Variants in MYO5A observed in about 807,000 individuals in gnomAD.
MYO5A encodes myosin VA.
In MYO5A, 98 loss-of-function variants were observed where a neutral mutation model predicts 249.7. That is an observed-to-expected ratio of 0.39 (90% CI 0.33 to 0.46). MYO5A has a LOEUF of 0.46. Ranked by LOEUF, MYO5A falls within the 20% of genes least tolerant of loss-of-function variation. The pLI is 0.98. For missense variants in MYO5A, 1,696 were observed against 2,308.8 expected (o/e 0.73, Z 5.44); for synonymous variants, 778 against 810.6 (o/e 0.96, Z 0.68).
chr15:52,496,524 A>G (rs1248854640), intron 1 of MYO5A, among the ~76,000 whole-genome samples: 1 of 152,220 alleles, frequency 6.6e-6, no homozygotes, highest in East Asian at 1.9e-4. Context: ...GGTTCTTAAA[A>G]TCTAGGAAGA....
chr15:52,405,426 A>C (rs2042962313), intron 8 of MYO5A, 33 bp from the exon 9 acceptor site: 1 of 1,466,176 alleles, frequency 6.8e-7, no homozygotes, highest in Non-Finnish European at 9.5e-7. Flanking sequence ...CAAGTGATTA[A>C]TTTCAGAATA....
At chr15:52,317,307 G>A (rs1388593290) in intron 39 of MYO5A, 85 bp from the exon 40 acceptor site, 3 of 1,330,810 alleles carry the variant, frequency 2.3e-6, no homozygotes, top group Non-Finnish European at 3.2e-6. Flanking sequence ...GGCCTTGTCA[G>A]GATTTATGTT....
intron 31 of MYO5A, among the ~76,000 whole-genome samples, chr15:52,341,468 C>T (rs986855971): frequency 2.0e-5 from 3 of 152,208 alleles, no homozygotes; most frequent in African/African-American, 7.2e-5. Context: ...GCAGTGAGAA[C>T]ACCAGAGTCA....
chr15:52,493,043 A>G (rs1281814210), intron 1 of MYO5A, among the ~76,000 whole-genome samples: 1 of 147,412 alleles, frequency 6.8e-6, no homozygotes, highest in Admixed American at 6.8e-5. Context: ...GGCCTGAGGG[A>G]AGAAAGGCCT....
rs370904896 is a variant in MYO5A, at chr15:52,314,085, T to A, written c.5490+38A>T. On this transcript the variant is annotated intron_variant, in intron 41 of 41. Coordinates refer to ENST00000399233, the MANE Select transcript of MYO5A (RefSeq NM_001382347.1). ...ATTACAAAATGTCCATTCAAAAGAC[T>A]GTGTTGGTGAATCAAAGAAGAAGAT... 4 of 1,496,446 alleles carry A rather than the reference T, an allele frequency of 2.7e-6. No individual in the cohort carries two copies. The African/African-American group carries it at 5.5e-5, about 21-fold the overall frequency. The allele number at this position is 1,496,446 out of a possible 1,614,324, so 92.7% of individuals were successfully genotyped here.
At chr15:52,448,971 T>C (rs1428307456) in intron 1 of MYO5A, among the ~76,000 whole-genome samples, 2 of 130,274 alleles carry the variant, frequency 1.5e-5, no homozygotes, top group African/African-American at 5.9e-5. Context: ...TTTTTTTTTT[T>C]TTTTTTTTTT....
At chr15:52,480,652 A>C (rs1488597412) in intron 1 of MYO5A, among the ~76,000 whole-genome samples, 1 of 152,162 alleles carries the variant, frequency 6.6e-6, no homozygotes, top group African/African-American at 2.4e-5. Flanking sequence ...CTAAAATTCC[A>C]TTTCATTGTA....
intron 1 of MYO5A, among the ~76,000 whole-genome samples, chr15:52,515,600 G>A (rs2077480869): frequency 6.6e-6 from 1 of 152,210 alleles, no homozygotes; most frequent in Admixed American, 6.5e-5. Flanking sequence ...TCATACAGAT[G>A]TAGAAACTAA....
rs2039648523 is a variant in MYO5A at position 52,346,693 on chromosome 15, G to C, written c.3859-232C>G. 3 of 611,370 alleles carry C rather than the reference G, an allele frequency of 4.9e-6. No homozygotes were observed. In the East Asian group the frequency reaches 1.0e-4, roughly 21 times the overall value. 37.9% of individuals were successfully genotyped at this position (611,370 alleles called of 1,614,324 possible). A position where few individuals can be genotyped will look rare whatever the true frequency, so the allele number is the denominator to read the frequency against. ...AGAAACACTAGCACTCTGCTACAAAGGTGGGAAGATTCTACAATGTCACGG... is the reference window on the plus strand; with the variant it reads ...AGAAACACTAGCACTCTGCTACAAACGTGGGAAGATTCTACAATGTCACGG... On this transcript the variant is annotated intron_variant, in intron 29 of 41. Coordinates refer to ENST00000399233, the MANE Select transcript of MYO5A (RefSeq NM_001382347.1).
intron 31 of MYO5A, among the ~76,000 whole-genome samples, chr15:52,340,989 T>TA (rs112962197): frequency 0.085 from 12,417 of 145,590 alleles, 1,595 homozygotes; most frequent in African/African-American, 0.29. Context: ...AATGAGGATG[T>TA]AAAAAAAAAA....
chr15:52,375,510 G>A, intron 19 of MYO5A, 50 bp from the exon 20 acceptor site: 1 of 1,594,096 alleles, frequency 6.3e-7, no homozygotes, highest in Non-Finnish European at 8.6e-7. Context: ...AAAAAATGCA[G>A]GAATACATAT....
In MYO5A at chr15:52,308,204, C is replaced by T. The variant is rs1024232991; in HGVS notation, c.*5492G>A. The T allele has an allele frequency of 1.3e-5, 2 of 152,028 alleles. No individual in the cohort carries two copies. Among genetic ancestry groups the T allele is most frequent in the East Asian group, 1.9e-4 (1 of 5,196 alleles). 9.4% of individuals were successfully genotyped at this position (152,028 alleles called of 1,614,324 possible). On this transcript the variant is annotated 3_prime_UTR_variant, in exon 42 of 42. Coordinates refer to ENST00000399233, the MANE Select transcript of MYO5A (RefSeq NM_001382347.1). Reference sequence around the variant, plus strand: ...AATAACGCCCATTAAGTTAAGCTAACGAACATTTTAGATAGACCAAATTAC... The same window carrying T: ...AATAACGCCCATTAAGTTAAGCTAATGAACATTTTAGATAGACCAAATTAC...
At chr15:52,379,527 C>A (rs1327794368) in intron 18 of MYO5A, 98 bp downstream of exon 18, 4 of 1,000,520 alleles carry the variant, frequency 4.0e-6, no homozygotes, top group Non-Finnish European at 6.4e-6. Flanking sequence ...CCGAAATGAT[C>A]TGGACTAGTA....
intron 12 of MYO5A, among the ~76,000 whole-genome samples, chr15:52,390,155 G>A (rs1567080069): frequency 6.6e-6 from 1 of 152,152 alleles, no homozygotes; most frequent in East Asian, 1.9e-4. Flanking sequence ...GTAGCAGGAG[G>A]TTGTGGGGAG....
At chr15:52,507,234 C>T (rs917297968) in intron 1 of MYO5A, among the ~76,000 whole-genome samples, 2 of 152,212 alleles carry the variant, frequency 1.3e-5, no homozygotes, top group African/African-American at 2.4e-5. Flanking sequence ...CTATATTACA[C>T]ATAAAATGCT....
intron 1 of MYO5A, among the ~76,000 whole-genome samples, chr15:52,456,193 G>T (rs1230687213): frequency 1.3e-5 from 2 of 151,866 alleles, no homozygotes; most frequent in Non-Finnish European, 2.9e-5. Flanking sequence ...AAGAAATCAA[G>T]AAATTAACCC....
At chr15:52,354,463 T>C (rs2040109269) in intron 25 of MYO5A, among the ~76,000 whole-genome samples, 1 of 152,206 alleles carries the variant, frequency 6.6e-6, no homozygotes, top group South Asian at 2.1e-4. Context: ...TTTTTTGTAA[T>C]TGCGAAAAAC....
intron 1 of MYO5A, among the ~76,000 whole-genome samples, chr15:52,475,342 C>G (rs2076569151): frequency 6.6e-6 from 1 of 152,170 alleles, no homozygotes; most frequent in Admixed American, 6.5e-5. Flanking sequence ...AAACCAGGTC[C>G]TGGATTCATT....
chr15:52,343,044 A>G, intron 31 of MYO5A, 73 bp downstream of exon 31: 6 of 1,215,282 alleles, frequency 4.9e-6, no homozygotes, highest in Non-Finnish European at 7.3e-6. Context: ...TACAGGGGTG[A>G]AAGTCAGGAG....
Sources: gnomAD v4.1 joint callset for allele counts (sites outside exome capture counted in the v4.1 genomes callset) on GRCh38, gnomAD v4.1.1 for gene constraint, MANE v1.5 for transcripts, NCBI Gene and HGNC (gene_info 2026-07-23, HGNC 2026-07-21) for gene names.